Variants in AGXT2 observed in about 807,000 individuals in gnomAD.
AGXT2 encodes the protein alanine--glyoxylate aminotransferase 2, also known as alanine--glyoxylate aminotransferase 2, mitochondrial.
AGXT2 carries 61 observed loss-of-function variants against 62.5 expected under a neutral mutation model. The ratio of observed to expected loss-of-function variants is 0.98; its 90% CI spans 0.79 to 1.21. The LOEUF (loss-of-function observed/expected upper bound fraction) is 1.21, where lower values mean the gene tolerates loss of function less well. Ranked by LOEUF, AGXT2 falls within the 50% of genes most tolerant of loss-of-function variation. AGXT2 has a pLI of 0.00. For synonymous variants in AGXT2, 243 were observed against 218.7 expected (o/e 1.11, Z -0.98); for missense variants, 666 against 641.5 (o/e 1.04, Z -0.41).
intron 5 of AGXT2, among the ~76,000 whole-genome samples, chr5:35,033,867 T>G (rs1343352786): frequency 6.6e-6 from 1 of 152,156 alleles, no homozygotes; most frequent in Non-Finnish European, 1.5e-5. Context: ...ATACCAGAAA[T>G]TGTATGTTCA....
chr5:35,000,702 G>A (rs1043676789), intron 13 of AGXT2, among the ~76,000 whole-genome samples: 3 of 152,182 alleles, frequency 2.0e-5, no homozygotes, highest in African/African-American at 7.2e-5. Flanking sequence ...TTAAAAGTCA[G>A]TGTTGTGCAG....
At chr5:35,046,348 G>A (rs1768207492) in intron 1 of AGXT2, among the ~76,000 whole-genome samples, 1 of 152,320 alleles carries the variant, frequency 6.6e-6, no homozygotes, top group South Asian at 2.1e-4. Context: ...CTGCTTCTGA[G>A]AAAATGTTGG....
chr5:35,014,312 G>A (rs566093838), intron 9 of AGXT2, among the ~76,000 whole-genome samples, 193 bp from the exon 10 acceptor site: 1 of 151,828 alleles, frequency 6.6e-6, no homozygotes, highest in African/African-American at 2.4e-5. Context: ...AATTAGCCGG[G>A]CACAGTGGCA....
chr5:35,001,113 C>A (rs163909), intron 13 of AGXT2, among the ~76,000 whole-genome samples: 144,057 of 152,194 alleles, frequency 0.95, 68,421 homozygotes, highest in Non-Finnish European at 0.99. Flanking sequence ...GGTGTATTAA[C>A]TGCATTTTTG....
In AGXT2 at chr5:35,031,434, A is replaced by C. The variant is rs112606224; in HGVS notation, c.769+1298T>G. Among the ~76,000 whole-genome samples the C allele has an allele frequency of 3.5e-3, 528 of 152,200 alleles. 3 individuals carry two copies. Among genetic ancestry groups the C allele is most frequent in the African/African-American group, 0.012 (502 of 41,508 alleles). On this transcript the variant is annotated intron_variant, in intron 7 of 13. Coordinates refer to ENST00000231420, the MANE Select transcript of AGXT2 (RefSeq NM_031900.4). ...TTTTTCCTTTCAGAGCTGGTTTTTA[A>C]GACTTCTGTTTTGTATTTTTCCTCT... is the stretch of plus-strand genomic sequence containing the variant.
intron 12 of AGXT2, among the ~76,000 whole-genome samples, chr5:35,008,091 C>T (rs1766501083): frequency 6.6e-6 from 1 of 152,184 alleles, no homozygotes; most frequent in Admixed American, 6.5e-5. Flanking sequence ...GTCTGCAGAA[C>T]CATGAGCCAA....
At chr5:35,013,175 G>A in intron 10 of AGXT2, 130 bp from the exon 11 acceptor site, 2 of 819,334 alleles carry the variant, frequency 2.4e-6, no homozygotes, top group African/African-American at 1.7e-5. Flanking sequence ...TCATTCAACT[G>A]ATAGTAGATG....
intron 7 of AGXT2, among the ~76,000 whole-genome samples, chr5:35,032,025 T>C (rs1767580440): frequency 1.3e-5 from 2 of 150,998 alleles, no homozygotes; most frequent in Admixed American, 1.3e-4. Flanking sequence ...TTATCTCAGT[T>C]CACTGCAACC....
intron 6 of AGXT2, chr5:35,033,225 G>T: frequency 1.9e-6 from 1 of 528,284 alleles, no homozygotes; most frequent in South Asian, 2.1e-5. Context: ...CAGTTTACTT[G>T]ATTTTATTTA....
intron 12 of AGXT2, among the ~76,000 whole-genome samples, chr5:35,006,040 T>C (rs1356178228): frequency 6.6e-6 from 1 of 152,192 alleles, no homozygotes; most frequent in Non-Finnish European, 1.5e-5. Flanking sequence ...ATAAGTCATT[T>C]AATAACGTTT....
intron 7 of AGXT2, among the ~76,000 whole-genome samples, chr5:35,030,088 G>A (rs1051685381): frequency 2.0e-5 from 3 of 152,224 alleles, no homozygotes; most frequent in African/African-American, 7.2e-5. Context: ...GAATATTCCA[G>A]TTTTACAGCA....
chr5:35,035,418 A>G (rs1767725345), intron 4 of AGXT2, 102 bp from the exon 5 acceptor site: 1 of 949,484 alleles, frequency 1.1e-6, no homozygotes, highest in South Asian at 1.3e-5. Context: ...AGTATTAAGG[A>G]GAGTTCCCTT....
intron 1 of AGXT2, among the ~76,000 whole-genome samples, chr5:35,043,918 G>A (rs1294945299): frequency 6.6e-6 from 1 of 152,146 alleles, no homozygotes; most frequent in East Asian, 1.9e-4. Flanking sequence ...TCTCAAACTT[G>A]TGAGATCAAG....
intron 11 of AGXT2, among the ~76,000 whole-genome samples, chr5:35,012,240 T>C (rs1816248): frequency 0.22 from 33,565 of 150,804 alleles, 4,068 homozygotes; most frequent in South Asian, 0.31. Flanking sequence ...AATAAATAAA[T>C]ATATATACAT....
intron 1 of AGXT2, among the ~76,000 whole-genome samples, chr5:35,046,640 C>T (rs1768219168): frequency 6.6e-6 from 1 of 152,094 alleles, no homozygotes; most frequent in African/African-American, 2.4e-5. Flanking sequence ...GCATTTAAAG[C>T]ATCATGCATG....
At chr5:35,028,156 G>T (rs62828860) in intron 7 of AGXT2, among the ~76,000 whole-genome samples, 142,346 of 151,796 alleles carry the variant, frequency 0.94, 67,209 homozygotes, top group Non-Finnish European at 1. Flanking sequence ...GGGTCAAAGG[G>T]GGCTGCAGTG....
chr5:35,037,968 A>T lies in AGXT2; in HGVS notation c.363-903T>A, dbSNP rs575588994. Among the ~76,000 whole-genome samples the T allele has an allele frequency of 3.3e-4, 48 of 147,488 alleles. No individual in the cohort carries two copies. The South Asian group carries it at 0.011, about 33-fold the overall frequency. On this transcript the variant is annotated intron_variant, in intron 3 of 13. Coordinates refer to ENST00000231420, the MANE Select transcript of AGXT2 (RefSeq NM_031900.4). The stretch of plus-strand genomic sequence containing the variant: ...GACATTAATTGCTACAGTTTGTTAC[A>T]GGCCAATTTTATTTGCTGTTAATAT...
chr5:35,041,593 AG>A (rs1262739958), intron 1 of AGXT2, among the ~76,000 whole-genome samples: 4 of 152,166 alleles, frequency 2.6e-5, no homozygotes, highest in African/African-American at 9.7e-5. Context: ...AGACCTTATA[AG>A]TACTCCTAGG....
intron 12 of AGXT2, among the ~76,000 whole-genome samples, chr5:35,007,646 G>A (rs1008059143): frequency 2.0e-5 from 3 of 152,176 alleles, no homozygotes; most frequent in African/African-American, 7.2e-5. Context: ...TTTAAATCCA[G>A]GTGGTCTGCC....
Sources: gnomAD v4.1 joint callset for allele counts (sites outside exome capture counted in the v4.1 genomes callset) on GRCh38, gnomAD v4.1.1 for gene constraint, MANE v1.5 for transcripts, NCBI Gene and HGNC (gene_info 2026-07-23, HGNC 2026-07-21) for gene names.